SPON1: variants seen among roughly 807,000 people sequenced by gnomAD.
The protein encoded by SPON1 is spondin-1.
SPON1 carries 52 observed loss-of-function variants against 111.7 expected under a neutral mutation model. The observed-to-expected ratio is 0.47, with a 90% CI of 0.37 to 0.59. The LOEUF is 0.59. SPON1 is among the 20% of genes least tolerant of loss of function. The pLI is 0.00. For missense variants in SPON1, 957 were observed against 1,068.5 expected (o/e 0.90, Z 1.46); for synonymous variants, 410 against 395.8 (o/e 1.04, Z -0.43).
intron 6 of SPON1, among the ~76,000 whole-genome samples, chr11:14,138,193 T>G (rs781819194): frequency 6.6e-6 from 1 of 152,150 alleles, no homozygotes; most frequent in Non-Finnish European, 1.5e-5. Flanking sequence ...AGAAAGACAT[T>G]TATATGCTTA....
intron 6 of SPON1, among the ~76,000 whole-genome samples, chr11:14,164,650 T>C (rs1279890930): frequency 6.6e-6 from 1 of 152,166 alleles, no homozygotes; most frequent in African/African-American, 2.4e-5. Flanking sequence ...AGCCGATTCA[T>C]CACGACAGGG....
chr11:14,126,545 C>A (rs1348319927), intron 5 of SPON1, among the ~76,000 whole-genome samples: 1 of 152,174 alleles, frequency 6.6e-6, no homozygotes, highest in Non-Finnish European at 1.5e-5. Flanking sequence ...TCCCAGCTTC[C>A]CCCCACCTCT....
At chr11:14,035,152 G>A (rs1193972251) in intron 2 of SPON1, among the ~76,000 whole-genome samples, 30 of 152,174 alleles carry the variant, frequency 2.0e-4, no homozygotes, top group African/African-American at 7.2e-4. Context: ...GGTTGGTCCA[G>A]TGTATGTGGT....
In SPON1 at chr11:14,259,158, G is replaced by A; in HGVS notation, c.1493-122G>A. 4 of 1,078,610 alleles carry A rather than the reference G, an allele frequency of 3.7e-6. No homozygotes were observed. Among genetic ancestry groups the A allele is most frequent in the South Asian group, 1.6e-5 (1 of 61,726 alleles). The allele number at this position is 1,078,610 out of a possible 1,614,324, so 66.8% of individuals were successfully genotyped here. ...GTTTAAGGATTTAGACCTCTTAGGT[G>A]TGCAGACAACCTCAACTGCCTGACT... On this transcript the variant is annotated intron_variant, in intron 11 of 15. Coordinates refer to ENST00000576479, the MANE Select transcript of SPON1 (RefSeq NM_006108.4). The surrounding 1 kb of genome is among the most constrained non-coding windows in gnomAD (Gnocchi z 5.0).
chr11:14,036,922 T>A (rs1321585122), intron 2 of SPON1, among the ~76,000 whole-genome samples: 3 of 77,358 alleles, frequency 3.9e-5, no homozygotes, highest in Non-Finnish European at 7.6e-5. Flanking sequence ...TGCAGAAGCT[T>A]AGCTAGAGTT....
At chr11:14,018,920 T>C (rs1429236953) in intron 2 of SPON1, among the ~76,000 whole-genome samples, 2 of 152,172 alleles carry the variant, frequency 1.3e-5, no homozygotes, top group African/African-American at 4.8e-5. Flanking sequence ...CTTGTAAGCA[T>C]TTACTGCAAG....
At chr11:14,188,032 C>CA (rs1227925964) in intron 6 of SPON1, among the ~76,000 whole-genome samples, 3 of 152,178 alleles carry the variant, frequency 2.0e-5, no homozygotes, top group Non-Finnish European at 4.4e-5. Context: ...CTGCCTGCCT[C>CA]AGCCTCCCAA....
intron 5 of SPON1, among the ~76,000 whole-genome samples, chr11:14,120,417 G>A (rs558447744): frequency 1.3e-5 from 2 of 151,586 alleles, no homozygotes; most frequent in Non-Finnish European, 2.9e-5. Flanking sequence ...AGCCCTCACT[G>A]CCTTTTCAGC....
chr11:14,263,284 A>ACAT (rs1849211636), intron 15 of SPON1, among the ~76,000 whole-genome samples: 4 of 152,124 alleles, frequency 2.6e-5, no homozygotes, highest in Admixed American at 2.0e-4. Flanking sequence ...TTCTTTACAC[A>ACAT]CATATAAAAC....
intron 3 of SPON1, among the ~76,000 whole-genome samples, chr11:14,072,559 G>T (rs561990594): frequency 4.6e-5 from 7 of 152,064 alleles, no homozygotes; most frequent in African/African-American, 7.2e-5. Context: ...TTGAAGAGGT[G>T]TTCACACAAG....
chr11:13,983,008 C>A, intron 2 of SPON1, 55 bp downstream of exon 2: 1 of 1,246,788 alleles, frequency 8.0e-7, no homozygotes, highest in Non-Finnish European at 1.1e-6. Context: ...GAGGTAGAGG[C>A]TGGAGAGGTA....
At chr11:14,170,746 G>C (rs1848088818) in intron 6 of SPON1, among the ~76,000 whole-genome samples, 1 of 152,168 alleles carries the variant, frequency 6.6e-6, no homozygotes, top group African/African-American at 2.4e-5. Flanking sequence ...CATCTATTGA[G>C]ATAATCATGT....
chr11:14,007,736 G>T (rs1848373368), intron 2 of SPON1, among the ~76,000 whole-genome samples: 7 of 152,136 alleles, frequency 4.6e-5, no homozygotes, highest in Admixed American at 4.6e-4. Flanking sequence ...CTGCTGTGTG[G>T]CCCAGCTCCT....
intron 7 of SPON1, among the ~76,000 whole-genome samples, chr11:14,250,270 A>T (rs1370543666): frequency 6.6e-6 from 1 of 151,498 alleles, no homozygotes; most frequent in Non-Finnish European, 1.5e-5. Context: ...AATTGCTTTT[A>T]TTGTTTCAAA....
Position 14,135,501 on chromosome 11 carries a change from G to A in SPON1, c.758G>A (p.Ser253Asn). Residue 253 changes from serine (S) to asparagine (N), a missense_variant, in exon 6 of 16, where the codon AGC becomes AAC. Around this residue, in one of 5 missense-constraint regions of SPON1, gnomAD observed 122 missense variants for 143.2 expected, o/e 0.85. Coordinates refer to ENST00000576479, the MANE Select transcript of SPON1 (RefSeq NM_006108.4). This position sits in a 1 kb window ranked among gnomAD's most constrained non-coding sequence, Gnocchi z 4.4. ...YVLWEYGGYA[S>N]EGVKQVAELG... ...CTGTGGGAATATGGAGGATATGCCA[G>A]CGAAGGCGTCAAACAAGTTGCAGAA... The A allele has an allele frequency of 1.2e-6, 2 of 1,613,974 alleles. No homozygotes were observed. Among genetic ancestry groups the A allele is most frequent in the Non-Finnish European group, 1.7e-6 (2 of 1,179,860 alleles).
At chr11:14,175,285 C>A (rs1394733437) in intron 6 of SPON1, among the ~76,000 whole-genome samples, 1 of 152,144 alleles carries the variant, frequency 6.6e-6, no homozygotes, top group Non-Finnish European at 1.5e-5. Context: ...ATGACAAGAA[C>A]CCCCAAATTC....
intron 6 of SPON1, among the ~76,000 whole-genome samples, chr11:14,178,045 AACACACACACAC>A (rs5789825): frequency 2.8e-5 from 4 of 142,710 alleles, no homozygotes; most frequent in African/African-American, 7.6e-5. Context: ...CACACACACA[AACACACACACAC>A]ACACACACAC....
chr11:14,038,900 C>T (rs745794199), intron 2 of SPON1, among the ~76,000 whole-genome samples: 22 of 152,160 alleles, frequency 1.4e-4, no homozygotes, highest in African/African-American at 5.3e-4. Flanking sequence ...TGCACATGGA[C>T]GTTTATAGCA....
In SPON1 at chr11:14,073,382, C is replaced by T. The variant is rs1057438823; in HGVS notation, c.480-1963C>T. ...TTCCACTGTAGTGTCATGTCAGCAC[C>T]CAAAAAGTTTTGGATTTTGGAGCAT... On this transcript the variant is annotated intron_variant, in intron 3 of 15. Coordinates refer to ENST00000576479, the MANE Select transcript of SPON1 (RefSeq NM_006108.4). Among the ~76,000 whole-genome samples, 24 of 152,046 alleles carry T rather than the reference C, an allele frequency of 1.6e-4. 1 individual carries two copies. Among genetic ancestry groups the T allele is most frequent in the African/African-American group, 2.4e-5 (1 of 41,376 alleles).
Sources: allele counts gnomAD v4.1 joint callset (sites outside exome capture counted in the v4.1 genomes callset), GRCh38; gene constraint gnomAD v4.1.1; regional missense constraint gnomAD v4.1.1; non-coding constraint Gnocchi (gnomAD v3.1); transcripts MANE v1.5; gene names NCBI Gene and HGNC (gene_info 2026-07-23, HGNC 2026-07-21).